SPIDR: variants seen among roughly 807,000 people sequenced by gnomAD.
SPIDR encodes the protein DNA repair-scaffolding protein.
A neutral mutation model predicts 104.6 loss-of-function variants in SPIDR; 93 were observed. The observed-to-expected ratio is 0.89, with a 90% confidence interval of 0.75 to 1.06. The LOEUF is 1.06. Ranked by LOEUF, SPIDR falls within the 50% of genes least tolerant of loss-of-function variation. SPIDR has a pLI of 0.00. For synonymous variants in SPIDR, 431 were observed against 416.9 expected, an observed-to-expected ratio of 1.03 and a Z score of -0.41; for missense variants, 1,154 against 1,111.2, an observed-to-expected ratio of 1.04 and a Z score of -0.55.
chr8:47,535,451 A>AAT (rs2086736911), intron 8 of SPIDR, among the ~76,000 whole-genome samples: 1 of 152,150 alleles, frequency 6.6e-6, no homozygotes, highest in African/African-American at 2.4e-5. Context: ...AAGACATTAT[A>AAT]AGAAAGGGAA....
At chr8:47,501,620 T>C (rs1257410274) in intron 8 of SPIDR, among the ~76,000 whole-genome samples, 1 of 152,170 alleles carries the variant, frequency 6.6e-6, no homozygotes, top group Non-Finnish European at 1.5e-5. Flanking sequence ...CTTTTCCTAA[T>C]TGAATACCCT....
At chr8:47,409,308 C>T (rs1272113877) in intron 7 of SPIDR, among the ~76,000 whole-genome samples, 1 of 151,674 alleles carries the variant, frequency 6.6e-6, no homozygotes, top group Non-Finnish European at 1.5e-5. Context: ...ATTATTCCAA[C>T]AAATGAGTTT....
chr8:47,680,461 G>T (rs1163322643), intron 11 of SPIDR, among the ~76,000 whole-genome samples: 2 of 152,196 alleles, frequency 1.3e-5, no homozygotes. Flanking sequence ...CAAAGTGCTG[G>T]AGAGGGAACC....
intron 6 of SPIDR, among the ~76,000 whole-genome samples, chr8:47,398,330 C>T (rs1361867870): frequency 1.3e-5 from 2 of 152,022 alleles, no homozygotes; most frequent in Non-Finnish European, 2.9e-5. Context: ...AATGGTTGCT[C>T]ATAACAGAGA....
chr8:47,713,558 C>T lies in SPIDR; in HGVS notation c.2258C>T (p.Ala753Val). 1.9e-6 allele frequency: 3 copies of T among 1,614,178 alleles called. No homozygotes were observed. Among genetic ancestry groups the T allele is most frequent in the Non-Finnish European group, 2.5e-6 (3 of 1,180,036 alleles). ...CCCCTTTTGAGTGTGGTCTCTGGTGCAAGTTCCTGTGAGCTGCCTGGCCCG... is the reference window on the plus strand; with the variant it reads ...CCCCTTTTGAGTGTGGTCTCTGGTGTAAGTTCCTGTGAGCTGCCTGGCCCG... ...QKPLLSVVSG[A>V]SSCELPGPVM... is the part of the protein sequence containing the mutation. The change falls in exon 16 of 20, where the codon GCA becomes GTA. Residue 753 changes from alanine (A) to valine (V), a missense_variant. Ala to Val is a moderately conservative substitution (Grantham distance 64). Coordinates refer to ENST00000297423, the MANE Select transcript of SPIDR (RefSeq NM_001080394.4).
At chr8:47,684,746 A>G (rs2077527535) in intron 11 of SPIDR, among the ~76,000 whole-genome samples, 1 of 152,240 alleles carries the variant, frequency 6.6e-6, no homozygotes, top group South Asian at 2.1e-4. Flanking sequence ...GGGTAGAGGA[A>G]AGAAATCAGA....
intron 16 of SPIDR, among the ~76,000 whole-genome samples, chr8:47,715,017 A>G (rs187792206): frequency 6.0e-4 from 92 of 152,230 alleles, no homozygotes; most frequent in Admixed American, 1.7e-3. Context: ...GAATTGTGCA[A>G]AGATCACTAC....
At chr8:47,405,395 TAAAGTA>T (rs1318242085) in intron 6 of SPIDR, among the ~76,000 whole-genome samples, 26 of 152,020 alleles carry the variant, frequency 1.7e-4, no homozygotes, top group South Asian at 6.2e-4. Flanking sequence ...TTCCAGAACT[TAAAGTA>T]TAATAAAAAT....
intron 8 of SPIDR, among the ~76,000 whole-genome samples, chr8:47,440,947 T>A (rs1004055109): frequency 1.3e-5 from 2 of 152,196 alleles, no homozygotes; most frequent in African/African-American, 4.8e-5. Context: ...TAAGATATAC[T>A]AGTGTTTGAA....
intron 8 of SPIDR, among the ~76,000 whole-genome samples, chr8:47,472,600 TTC>T (rs1365209625): frequency 1.3e-5 from 2 of 152,214 alleles, no homozygotes; most frequent in African/African-American, 4.8e-5. Context: ...GCTATTTTGT[TTC>T]TGAAAGAATG....
chr8:47,716,711 G>A (rs1163103806), intron 16 of SPIDR, among the ~76,000 whole-genome samples: 1 of 152,112 alleles, frequency 6.6e-6, no homozygotes, highest in Non-Finnish European at 1.5e-5. Flanking sequence ...CAGAGGGTGG[G>A]TGGCCTTAGG....
rs2154354202 is a variant in SPIDR, at chr8:47,463,674, T to A, written c.1097+23132T>A. Among the ~76,000 whole-genome samples the A allele has an allele frequency of 1.3e-5, 2 of 152,282 alleles. 1 individual carries two copies. Among genetic ancestry groups the A allele is most frequent in the South Asian group, 4.1e-4 (2 of 4,824 alleles). ...AGCAGATTAAAAGAGTTATACCCCA[T>A]TTCCAAAAGGGATTTCCCAGAATAC... On this transcript the variant is annotated intron_variant, in intron 8 of 19. Transcript: ENST00000297423.
chr8:47,720,803 G>A (rs2083288056), intron 16 of SPIDR, among the ~76,000 whole-genome samples: 1 of 151,790 alleles, frequency 6.6e-6, no homozygotes. Context: ...TGTTGCCCAG[G>A]CTGGAGTGCA....
At chr8:47,374,769 G>A (rs896182710) in intron 5 of SPIDR, among the ~76,000 whole-genome samples, 4 of 152,068 alleles carry the variant, frequency 2.6e-5, no homozygotes, top group African/African-American at 9.7e-5. Context: ...TAAAACACAC[G>A]TTTAGGTGGG....
intron 19 of SPIDR, chr8:47,732,815 TAA>T (rs904454622): frequency 1.3e-5 from 2 of 152,504 alleles, no homozygotes; most frequent in African/African-American, 4.8e-5. Flanking sequence ...ACTTGAGTGT[TAA>T]GTTTTATGCC....
intron 8 of SPIDR, among the ~76,000 whole-genome samples, chr8:47,530,759 T>G (rs533821161): frequency 6.6e-6 from 1 of 152,320 alleles, no homozygotes. Context: ...TTAACCTTAG[T>G]TTACTGTAAC....
intron 11 of SPIDR, among the ~76,000 whole-genome samples, chr8:47,695,476 G>A (rs1008699024): frequency 6.6e-6 from 1 of 152,100 alleles, no homozygotes; most frequent in Non-Finnish European, 1.5e-5. Flanking sequence ...CAGCACCATT[G>A]TGGCTTAAAT....
At chr8:47,471,177 C>T (rs1412637673) in intron 8 of SPIDR, among the ~76,000 whole-genome samples, 1 of 152,140 alleles carries the variant, frequency 6.6e-6, no homozygotes, top group Non-Finnish European at 1.5e-5. Flanking sequence ...TTAAGTTGAA[C>T]TCTATCAAAA....
intron 16 of SPIDR, among the ~76,000 whole-genome samples, chr8:47,718,472 T>G (rs1484655476): frequency 6.6e-6 from 1 of 152,128 alleles, no homozygotes; most frequent in African/African-American, 2.4e-5. Flanking sequence ...CAAATTCACT[T>G]AAGAAATATG....
Sources: gnomAD v4.1 joint callset for allele counts (sites outside exome capture counted in the v4.1 genomes callset) on GRCh38, gnomAD v4.1.1 for gene constraint, MANE v1.5 for transcripts, NCBI Gene and HGNC (gene_info 2026-07-23, HGNC 2026-07-21) for gene names.